ERC2: variants seen among roughly 807,000 people sequenced by gnomAD.
ERC2 encodes the protein ELKS/RAB6-interacting/CAST family member 2, also known as ERC protein 2.
In ERC2, 42 loss-of-function variants were observed where a neutral mutation model predicts 114.8. The observed-to-expected ratio is 0.37, with a 90% CI of 0.29 to 0.47. The LOEUF is 0.47. Ranked by LOEUF, ERC2 falls within the 20% of genes least tolerant of loss-of-function variation. The pLI, the probability that ERC2 is intolerant of heterozygous loss-of-function variation, is 0.99. For missense variants in ERC2, 939 were observed against 1,150.7 expected (o/e 0.82, Z 2.66); for synonymous variants, 454 against 425.5 (o/e 1.07, Z -0.82).
intron 17 of ERC2, among the ~76,000 whole-genome samples, chr3:55,530,039 T>C (rs762268079): frequency 7.0e-4 from 106 of 152,210 alleles, no homozygotes; most frequent in Non-Finnish European, 1.3e-3. Flanking sequence ...AGGATTCCTC[T>C]TTGGAGATGA....
intron 2 of ERC2, among the ~76,000 whole-genome samples, chr3:56,328,633 C>A (rs896961358): frequency 1.3e-5 from 2 of 152,112 alleles, no homozygotes; most frequent in Non-Finnish European, 2.9e-5. Flanking sequence ...TAACCTTTAC[C>A]AAGCCCCATA....
intron 14 of ERC2, among the ~76,000 whole-genome samples, chr3:55,883,135 T>C (rs1463274047): frequency 1.3e-5 from 2 of 152,234 alleles, no homozygotes; most frequent in Non-Finnish European, 2.9e-5. Flanking sequence ...ATTTTTTAAC[T>C]AATTCATCCT....
At chr3:56,228,963 T>G (rs927532658) in intron 3 of ERC2, among the ~76,000 whole-genome samples, 1 of 152,144 alleles carries the variant, frequency 6.6e-6, no homozygotes, top group Admixed American at 6.6e-5. Flanking sequence ...TTGGTTATAA[T>G]GGGTAAGAGT....
chr3:55,547,575 C>G (rs1053823557), intron 17 of ERC2, among the ~76,000 whole-genome samples: 5 of 152,122 alleles, frequency 3.3e-5, no homozygotes, highest in Admixed American at 2.6e-4. Flanking sequence ...TGAAGATGAA[C>G]GCTTCCTCCG....
chr3:56,173,233 G>A (rs1022699292), intron 4 of ERC2, among the ~76,000 whole-genome samples: 2 of 152,022 alleles, frequency 1.3e-5, no homozygotes, highest in Admixed American at 6.6e-5. Flanking sequence ...ATGGATTCTC[G>A]AGCCCTTTAT....
chr3:55,724,724 T>C (rs1343670088), intron 15 of ERC2, among the ~76,000 whole-genome samples: 1 of 152,216 alleles, frequency 6.6e-6, no homozygotes, highest in Admixed American at 6.5e-5. Flanking sequence ...GCACACATTA[T>C]ACCCACTCCT....
At chr3:55,865,468 C>T (rs1015221865) in intron 14 of ERC2, among the ~76,000 whole-genome samples, 7 of 152,224 alleles carry the variant, frequency 4.6e-5, no homozygotes, top group African/African-American at 1.7e-4. Flanking sequence ...TATTCACATA[C>T]CATACAATTC....
intron 17 of ERC2, among the ~76,000 whole-genome samples, chr3:55,634,294 T>C (rs1449858543): frequency 1.3e-5 from 2 of 152,220 alleles, no homozygotes; most frequent in African/African-American, 2.4e-5. Flanking sequence ...GGATATCCAA[T>C]GCACAGACTG....
chr3:56,168,902 T>C (rs367997987), intron 4 of ERC2, among the ~76,000 whole-genome samples: 57 of 152,334 alleles, frequency 3.7e-4, no homozygotes, highest in African/African-American at 1.3e-3. Context: ...GTACCACTTA[T>C]ACTTCAGCAA....
chr3:56,001,210 G>A (rs1013594192), intron 10 of ERC2, among the ~76,000 whole-genome samples: 6 of 152,050 alleles, frequency 3.9e-5, no homozygotes, highest in Non-Finnish European at 7.4e-5. Flanking sequence ...ACAAAAAGAT[G>A]TCTAGGTGGA....
chr3:56,033,058 A>AAC (rs1560058740), intron 7 of ERC2, among the ~76,000 whole-genome samples: 50 of 146,540 alleles, frequency 3.4e-4, no homozygotes, highest in Middle Eastern at 3.4e-3. Context: ...GAAAGAAAGA[A>AAC]AGAAAGAAAG....
chr3:55,605,892 C>G (rs1327900009), intron 17 of ERC2, among the ~76,000 whole-genome samples: 1 of 152,152 alleles, frequency 6.6e-6, no homozygotes, highest in Non-Finnish European at 1.5e-5. Context: ...GGAGGAACCC[C>G]CAAAGATTCC....
intron 14 of ERC2, among the ~76,000 whole-genome samples, chr3:55,859,827 A>G (rs974817009): frequency 2.1e-4 from 32 of 151,986 alleles, no homozygotes; most frequent in African/African-American, 7.2e-4. Flanking sequence ...GTAAGATGGA[A>G]GATCTTTAGT....
rs527937776 is a variant in ERC2, at chr3:55,743,283, A to C, written c.2565-8365T>G. ...TCCGGCGGTTCCTCCAGTTTCTCCAACTGGACCAGAACACTCTCAAGTGCC... is the reference window on the plus strand; with the variant it reads ...TCCGGCGGTTCCTCCAGTTTCTCCACCTGGACCAGAACACTCTCAAGTGCC... On this transcript the variant is annotated intron_variant, in intron 14 of 17. Transcript: ENST00000288221. 3.7e-3 allele frequency among the ~76,000 whole-genome samples: 500 copies of C among 135,512 alleles called. 2 individuals carry two copies. Among genetic ancestry groups the C allele is most frequent in the Non-Finnish European group, 5.2e-3 (332 of 63,280 alleles). The allele number at this position is 135,512 out of a possible 152,430, so 88.9% of individuals were successfully genotyped here. A position where few individuals can be genotyped will look rare whatever the true frequency, so the allele number is the denominator to read the frequency against.
chr3:56,347,526 C>G (rs528260629), intron 2 of ERC2, among the ~76,000 whole-genome samples: 1 of 152,178 alleles, frequency 6.6e-6, no homozygotes, highest in African/African-American at 2.4e-5. Flanking sequence ...CACTTCCTTT[C>G]TGTGGCAGCT....
intron 17 of ERC2, among the ~76,000 whole-genome samples, chr3:55,646,124 C>G (rs2060387170): frequency 1.3e-5 from 2 of 152,210 alleles, no homozygotes; most frequent in South Asian, 4.1e-4. Context: ...GTTGCCTATT[C>G]TGCAATTCTG....
At chr3:56,125,182 G>A (rs1455254119) in intron 6 of ERC2, among the ~76,000 whole-genome samples, 1 of 152,072 alleles carries the variant, frequency 6.6e-6, no homozygotes, top group African/African-American at 2.4e-5. Context: ...CTTATTCCCT[G>A]TATATTATCT....
At chr3:56,298,894 G>A (rs187224720) in intron 2 of ERC2, among the ~76,000 whole-genome samples, 1 of 152,074 alleles carries the variant, frequency 6.6e-6, no homozygotes, top group African/African-American at 2.4e-5. Context: ...AAATCATGAG[G>A]TGGGACCATA....
At chr3:56,192,536 G>A (rs888651742) in intron 3 of ERC2, among the ~76,000 whole-genome samples, 2 of 152,092 alleles carry the variant, frequency 1.3e-5, no homozygotes, top group Non-Finnish European at 2.9e-5. Flanking sequence ...CTGAGAAACT[G>A]AGGGTCAGAG....
Sources: gnomAD v4.1 joint callset for allele counts (sites outside exome capture counted in the v4.1 genomes callset) on GRCh38, gnomAD v4.1.1 for gene constraint, MANE v1.5 for transcripts, NCBI Gene and HGNC (gene_info 2026-07-23, HGNC 2026-07-21) for gene names.